The following SNX29 variants were observed in gnomAD, a reference collection of about 807,000 sequenced individuals.
SNX29 encodes sorting nexin-29.
In SNX29, 78 loss-of-function variants were observed where a neutral mutation model predicts 102.1. That is an observed-to-expected ratio of 0.76 (90% confidence interval 0.64 to 0.92). SNX29 has a LOEUF of 0.92. Among genes scored for constraint, SNX29 ranks in the 40% least tolerant of loss-of-function variants. The pLI is 0.00. For missense variants in SNX29, 1,280 were observed against 1,061.7 expected, an observed-to-expected ratio of 1.21 and a Z score of -2.86; for synonymous variants, 580 against 414.5, an observed-to-expected ratio of 1.40 and a Z score of -4.85.
At chr16:12,091,014 C>CAAAAAAA (rs58933500) in intron 11 of SNX29, among the ~76,000 whole-genome samples, 235 of 53,356 alleles carry the variant, frequency 4.4e-3, no homozygotes, top group African/African-American at 8.0e-3. Flanking sequence ...GACTTCATCT[C>CAAAAAAA]AAAAAAAAAA....
chr16:12,560,235 G>A (rs2078646089), intron 20 of SNX29, among the ~76,000 whole-genome samples: 5 of 149,522 alleles, frequency 3.3e-5, no homozygotes, highest in Admixed American at 2.0e-4. Flanking sequence ...GCTTGCAGAA[G>A]AAAAGCCTGA....
intron 19 of SNX29, among the ~76,000 whole-genome samples, chr16:12,505,421 G>A (rs1380861362): frequency 6.6e-6 from 1 of 152,086 alleles, no homozygotes; most frequent in Non-Finnish European, 1.5e-5. Context: ...AAAATCAATT[G>A]ACTATAAATG....
intron 13 of SNX29, among the ~76,000 whole-genome samples, chr16:12,134,889 G>C (rs375214591): frequency 2.6e-5 from 4 of 152,308 alleles, no homozygotes; most frequent in African/African-American, 9.6e-5. Flanking sequence ...TAAGGTATTG[G>C]CTCATATAAT....
chr16:12,109,361 C>T (rs545256077), intron 11 of SNX29, among the ~76,000 whole-genome samples: 7 of 152,060 alleles, frequency 4.6e-5, no homozygotes, highest in African/African-American at 1.7e-4. Context: ...GGGCCCACTC[C>T]CGTGGTACCC....
chr16:12,154,889 A>G (rs1333940951), intron 13 of SNX29, among the ~76,000 whole-genome samples: 1 of 152,220 alleles, frequency 6.6e-6, no homozygotes, highest in East Asian at 1.9e-4. Flanking sequence ...TCATAACCAT[A>G]GGCTCTTTAA....
chr16:12,527,296 A>G (rs1473540726), intron 20 of SNX29: 2 of 532,010 alleles, frequency 3.8e-6, no homozygotes, highest in South Asian at 3.1e-5. Flanking sequence ...TGTGCTGCCC[A>G]CAGAAAGCAG....
chr16:12,303,656 C>A (rs547626038), intron 15 of SNX29, among the ~76,000 whole-genome samples: 1 of 152,250 alleles, frequency 6.6e-6, no homozygotes, highest in South Asian at 2.1e-4. Flanking sequence ...CTCAAAAGTT[C>A]CAGAGGTTCT....
chr16:12,550,797 G>C (rs1400806246), intron 20 of SNX29, among the ~76,000 whole-genome samples: 1 of 152,102 alleles, frequency 6.6e-6, no homozygotes, highest in Non-Finnish European at 1.5e-5. Context: ...ATAAGGAAGA[G>C]GGAGCCAAGA....
At position 12,522,187 on chromosome 16, in the gene SNX29, C is replaced by A. The variant is rs191288897; in HGVS notation, c.2179-2515C>A. Among the ~76,000 whole-genome samples, 5 of 152,314 alleles carry A rather than the reference C, an allele frequency of 3.3e-5. No homozygotes were observed. The East Asian group carries it at 5.8e-4, about 18-fold the overall frequency. On this transcript the variant is annotated intron_variant, in intron 19 of 20. Coordinates refer to ENST00000566228, the MANE Select transcript of SNX29 (RefSeq NM_032167.5). Reference sequence around the variant, plus strand: ...TCAGATAAACCAATAATTTTGTAGTCTAAGTGTATCGCAAATACTGCATGG... The same window carrying A: ...TCAGATAAACCAATAATTTTGTAGTATAAGTGTATCGCAAATACTGCATGG...
intron 14 of SNX29, among the ~76,000 whole-genome samples, chr16:12,259,569 C>T (rs1022005545): frequency 6.6e-6 from 1 of 152,174 alleles, no homozygotes; most frequent in Non-Finnish European, 1.5e-5. Context: ...CCCAGGGTCA[C>T]GTGTGGCTTT....
intron 14 of SNX29, among the ~76,000 whole-genome samples, chr16:12,238,194 G>C (rs558903932): frequency 6.6e-6 from 1 of 151,968 alleles, no homozygotes; most frequent in East Asian, 1.9e-4. Context: ...ATTTATAACT[G>C]TAACAGTTGT....
At chr16:12,369,974 T>G (rs1184920253) in intron 16 of SNX29, among the ~76,000 whole-genome samples, 1 of 152,124 alleles carries the variant, frequency 6.6e-6, no homozygotes, top group Admixed American at 6.6e-5. Flanking sequence ...CCCAGCACTT[T>G]GGGAGGCTGA....
intron 15 of SNX29, among the ~76,000 whole-genome samples, chr16:12,287,306 C>G (rs182919957): frequency 6.6e-6 from 1 of 152,340 alleles, no homozygotes; most frequent in East Asian, 1.9e-4. Flanking sequence ...CCTTTACAAA[C>G]AGACTCCTTC....
intron 16 of SNX29, among the ~76,000 whole-genome samples, chr16:12,391,832 T>C (rs982871093): frequency 2.6e-5 from 4 of 152,244 alleles, no homozygotes; most frequent in Non-Finnish European, 5.9e-5. Context: ...TCTGATTTTC[T>C]TTCCACCATA....
chr16:12,072,379 C>G (rs1018242271), intron 10 of SNX29, among the ~76,000 whole-genome samples: 72 of 152,086 alleles, frequency 4.7e-4, no homozygotes, highest in Non-Finnish European at 3.4e-4. Flanking sequence ...TAGCATGAAG[C>G]GTTGTTGAAT....
At chr16:12,145,478 T>A (rs1322015153) in intron 13 of SNX29, among the ~76,000 whole-genome samples, 1 of 152,162 alleles carries the variant, frequency 6.6e-6, no homozygotes, top group East Asian at 1.9e-4. Flanking sequence ...TCCTTAAGGT[T>A]TTTCCCTTAA....
chr16:12,534,114 G>C (rs1158594927), intron 20 of SNX29, among the ~76,000 whole-genome samples: 1 of 152,218 alleles, frequency 6.6e-6, no homozygotes, highest in African/African-American at 2.4e-5. Flanking sequence ...CGATGACAAG[G>C]TGCTAACCAG....
chr16:12,215,271 G>A (rs2077291012), intron 14 of SNX29, among the ~76,000 whole-genome samples: 1 of 151,470 alleles, frequency 6.6e-6, no homozygotes. Flanking sequence ...GAGGTAGGAG[G>A]AGGGTTGCTT....
In SNX29 at chr16:12,489,162, A is replaced by G. The variant is rs1346827417; in HGVS notation, c.2178+11303A>G. On this transcript the variant is annotated intron_variant, in intron 19 of 20. Coordinates refer to ENST00000566228, the MANE Select transcript of SNX29 (RefSeq NM_032167.5). ...GGCTCTTACCCTTTTGAGTAGTTGG[A>G]GAATAATTGCTACCTTTCCCTTCAG... Among the ~76,000 whole-genome samples, 3 of 152,182 alleles carry G rather than the reference A, an allele frequency of 2.0e-5. No homozygotes were observed. In the East Asian group the frequency reaches 5.8e-4, roughly 29 times the overall value.
Sources: allele counts gnomAD v4.1 joint callset (sites outside exome capture counted in the v4.1 genomes callset), GRCh38; gene constraint gnomAD v4.1.1; transcripts MANE v1.5; gene names NCBI Gene and HGNC (gene_info 2026-07-23, HGNC 2026-07-21).